The following ACAP2 variants were observed in gnomAD, a reference collection of about 807,000 sequenced individuals.
ACAP2 encodes the protein ArfGAP with coiled-coil, ankyrin repeat and PH domains 2.
Under a neutral mutation model 115.8 loss-of-function variants are expected in ACAP2, and 39 were observed. The observed-to-expected ratio is 0.34, with a 90% CI of 0.26 to 0.44. ACAP2 has a LOEUF of 0.44. ACAP2 is among the 20% of genes least tolerant of loss of function. The pLI, the probability that ACAP2 is intolerant of heterozygous loss-of-function variation, is 1.00. For synonymous variants in ACAP2, 289 were observed against 315.8 expected (o/e 0.92, Z 0.90); for missense variants, 662 against 927.6 (o/e 0.71, Z 3.72).
chr3:195,439,701 A>T (rs1304915918), intron 1 of ACAP2, among the ~76,000 whole-genome samples: 1 of 151,908 alleles, frequency 6.6e-6, no homozygotes, highest in Non-Finnish European at 1.5e-5. Context: ...ACCTCAGCTC[A>T]CTACAGCCTC....
At chr3:195,395,298 ATGAC>A (rs1162037043) in intron 1 of ACAP2, among the ~76,000 whole-genome samples, 3 of 152,188 alleles carry the variant, frequency 2.0e-5, no homozygotes, top group Admixed American at 6.5e-5. Flanking sequence ...AATAAAATAT[ATGAC>A]TGAGCAGCAA....
At chr3:195,374,251 G>A (rs9872366) in intron 4 of ACAP2, among the ~76,000 whole-genome samples, 2,119 of 152,134 alleles carry the variant, frequency 0.014, 24 homozygotes, top group Non-Finnish European at 0.02. Flanking sequence ...TTAGCCAGGC[G>A]TGGTGGCAAG....
At position 195,303,076 on chromosome 3, in the gene ACAP2, C is replaced by T. The variant is rs943543293; in HGVS notation, c.1117-902G>A. ...TAAAAATACAAAAAAATTAGCTGGG[C>T]GTGGTGGCGCACACCTGTGATCCCA... On this transcript the variant is annotated intron_variant, in intron 13 of 22. Transcript: ENST00000326793. 1.4e-4 allele frequency among the ~76,000 whole-genome samples: 22 copies of T among 152,220 alleles called. 1 individual carries two copies. The highest frequency in any genetic ancestry group is 4.8e-4 in the African/African-American group (20 of 41,536).
chr3:195,376,885 G>A (rs77248068), intron 4 of ACAP2, among the ~76,000 whole-genome samples: 3,258 of 152,156 alleles, frequency 0.021, 113 homozygotes, highest in East Asian at 0.1. Context: ...TCTAATGCAG[G>A]TTACACTATT....
chr3:195,334,135 A>T (rs1469843698), intron 7 of ACAP2, among the ~76,000 whole-genome samples: 1 of 152,022 alleles, frequency 6.6e-6, no homozygotes, highest in African/African-American at 2.4e-5. Context: ...TATTATTTTC[A>T]ACAAGTGGCA....
intron 1 of ACAP2, among the ~76,000 whole-genome samples, chr3:195,418,816 A>C (rs964832019): frequency 6.6e-6 from 1 of 152,192 alleles, no homozygotes; most frequent in Non-Finnish European, 1.5e-5. Flanking sequence ...ATTGTTTATA[A>C]TAGTTGCTTA....
chr3:195,306,410 T>C (rs1018937917), intron 13 of ACAP2, 101 bp downstream of exon 13: 8 of 588,160 alleles, frequency 1.4e-5, no homozygotes, highest in Middle Eastern at 3.0e-4. Context: ...CATAAAATCA[T>C]CTTCCATAAC....
chr3:195,317,591 C>G (rs1353721713), intron 10 of ACAP2, among the ~76,000 whole-genome samples: 1 of 152,090 alleles, frequency 6.6e-6, no homozygotes, highest in African/African-American at 2.4e-5. Context: ...GCTTTAATGT[C>G]TGAAGTTATT....
intron 1 of ACAP2, among the ~76,000 whole-genome samples, chr3:195,414,801 T>G (rs1486776852): frequency 6.6e-6 from 1 of 152,126 alleles, no homozygotes; most frequent in Non-Finnish European, 1.5e-5. Flanking sequence ...CAAAAAAATC[T>G]GAAACCCAAA....
At chr3:195,436,133 A>ATT (rs201946104) in intron 1 of ACAP2, among the ~76,000 whole-genome samples, 1 of 110,444 alleles carries the variant, frequency 9.1e-6, no homozygotes, top group Non-Finnish European at 1.8e-5. Flanking sequence ...ATATATATAT[A>ATT]TTTTTTTTTT....
At chr3:195,409,900 A>C (rs1224313068) in intron 1 of ACAP2, among the ~76,000 whole-genome samples, 2 of 150,808 alleles carry the variant, frequency 1.3e-5, no homozygotes, top group African/African-American at 4.9e-5. Flanking sequence ...AAAAAAAAAA[A>C]AAAAAACAGA....
intron 22 of ACAP2, chr3:195,282,701 T>C (rs1726585228): frequency 6.6e-6 from 1 of 152,230 alleles, no homozygotes; most frequent in Non-Finnish European, 1.5e-5. Context: ...TTATAAATGG[T>C]AAACAACTCA....
intron 9 of ACAP2, among the ~76,000 whole-genome samples, chr3:195,324,477 G>C (rs953595262): frequency 1.3e-5 from 2 of 152,072 alleles, no homozygotes; most frequent in Non-Finnish European, 2.9e-5. Context: ...CCTAAAAAGC[G>C]GCACGGTGGC....
rs1728566340 is a variant in ACAP2 at position 195,308,652 on chromosome 3, C to T, written c.909+134G>A. 2.4e-5 allele frequency: 18 copies of T among 755,782 alleles called. No homozygotes were observed. In the South Asian group the frequency reaches 3.4e-4, roughly 14 times the overall value. The allele number at this position is 755,782 out of a possible 1,614,324, so 46.8% of individuals were successfully genotyped here. ...TTTTCCACCCTAGAGTCCTCTTATA[C>T]CTGCTCAAACATAAAACTAATAAAT... On this transcript the variant is annotated intron_variant, in intron 11 of 22. Transcript: ENST00000326793.
chr3:195,414,153 A>G (rs1055280062), intron 1 of ACAP2, among the ~76,000 whole-genome samples: 14 of 152,248 alleles, frequency 9.2e-5, no homozygotes, highest in Non-Finnish European at 5.9e-5. Context: ...TAGAACATGG[A>G]CAACACCAAA....
At position 195,319,877 on chromosome 3, in the gene ACAP2, G is replaced by A. The variant is rs545132448; in HGVS notation, c.857+824C>T. Among the ~76,000 whole-genome samples the A allele has an allele frequency of 4.6e-5, 7 of 152,230 alleles. No homozygotes were observed. The South Asian group carries it at 1.5e-3, about 32-fold the overall frequency. ...GAAAAGGACATGAGATTTGAGAAAG[G>A]CCAGGGATGAAATATGGTTTGGCTC... is the stretch of plus-strand genomic sequence containing the variant. On this transcript the variant is annotated intron_variant, in intron 10 of 22. Coordinates refer to ENST00000326793, the MANE Select transcript of ACAP2 (RefSeq NM_012287.6).
In ACAP2 at chr3:195,278,543, G is replaced by A. The variant is rs146635487; in HGVS notation, c.*785C>T. On this transcript the variant is annotated 3_prime_UTR_variant, in exon 23 of 23. Transcript: ENST00000326793. ...CTTTAAAACATACTTTTATTCCATC[G>A]ATACATCTGTCAAGGTTTTGGGGAA... 1.1e-3 allele frequency: 163 copies of A among 150,826 alleles called. No homozygotes were observed. Among genetic ancestry groups the A allele is most frequent in the African/African-American group, 3.6e-3 (149 of 41,016 alleles). 9.3% of individuals were successfully genotyped at this position (150,826 alleles called of 1,614,324 possible). A position where few individuals can be genotyped will look rare whatever the true frequency, so the allele number is the denominator to read the frequency against.
At chr3:195,434,259 A>G (rs868233532) in intron 1 of ACAP2, among the ~76,000 whole-genome samples, 5 of 150,400 alleles carry the variant, frequency 3.3e-5, no homozygotes, top group South Asian at 4.2e-4. Flanking sequence ...TTGAGACAGG[A>G]TCTTGCTCTG....
chr3:195,320,908 G>A, intron 9 of ACAP2, 95 bp from the exon 10 acceptor site: 14 of 727,596 alleles, frequency 1.9e-5, no homozygotes, highest in South Asian at 1.2e-4. Context: ...AGGAAGAAAA[G>A]GTTTATATTA....
Sources: allele counts gnomAD v4.1 joint callset (sites outside exome capture counted in the v4.1 genomes callset), GRCh38; gene constraint gnomAD v4.1.1; transcripts MANE v1.5; gene names NCBI Gene and HGNC (gene_info 2026-07-23, HGNC 2026-07-21).